Variants in NUDT14 observed in about 807,000 individuals in gnomAD.
NUDT14 encodes the protein uridine diphosphate glucose pyrophosphatase NUDT14.
NUDT14 carries 22 observed loss-of-function variants against 17.5 expected under a neutral mutation model. The observed-to-expected ratio is 1.26, with a 90% CI of 0.90 to 1.80. NUDT14 has a LOEUF of 1.80. Among genes scored for constraint, NUDT14 ranks in the 40% most tolerant of loss-of-function variants. The pLI is 0.00. For synonymous variants in NUDT14, 129 were observed against 125.8 expected (o/e 1.03, Z -0.17); for missense variants, 296 against 295.6 (o/e 1.00, Z -0.01).
At chr14:105,176,290 C>A (rs1889210297) in intron 4 of NUDT14, 2 of 585,480 alleles carry the variant, frequency 3.4e-6, no homozygotes, top group Non-Finnish European at 6.1e-6. Flanking sequence ...TGTCACCCGG[C>A]CTGCCTCACA....
At position 105,176,122 on chromosome 14, in the gene NUDT14, C is replaced by G. The variant is rs1038745999; in HGVS notation, c.428+412G>C. Reference sequence around the variant, plus strand: ...GGTCCCAAAGCGCAGGCTCTAGTGCCTGTTCCCCAGGAGAGCTGGAGCCAC... The same window carrying G: ...GGTCCCAAAGCGCAGGCTCTAGTGCGTGTTCCCCAGGAGAGCTGGAGCCAC... On this transcript the variant is annotated intron_variant, in intron 4 of 4. Coordinates refer to ENST00000392568, the MANE Select transcript of NUDT14 (RefSeq NM_177533.5). The G allele has an allele frequency of 1.3e-4, 85 of 635,906 alleles. No homozygotes were observed. In the African/African-American group the frequency reaches 1.6e-3, roughly 12 times the overall value. 39.4% of individuals were successfully genotyped at this position (635,906 alleles called of 1,614,324 possible).
chr14:105,177,945 C>G (rs10140111), intron 1 of NUDT14, among the ~76,000 whole-genome samples: 99,533 of 151,802 alleles, frequency 0.66, 33,138 homozygotes, highest in African/African-American at 0.77. Flanking sequence ...TAATACCCTA[C>G]GAGTGAGGCA....
At chr14:105,174,526 C>A (rs587637542) in intron 4 of NUDT14, among the ~76,000 whole-genome samples, 34 of 152,246 alleles carry the variant, frequency 2.2e-4, no homozygotes, top group South Asian at 1.0e-3. Flanking sequence ...ACCCCCAAGG[C>A]CTCCCCACCT....
intron 4 of NUDT14, among the ~76,000 whole-genome samples, chr14:105,174,424 A>G (rs587774782): frequency 6.6e-6 from 1 of 152,082 alleles, no homozygotes; most frequent in Non-Finnish European, 1.5e-5. Flanking sequence ...GCCATGAACC[A>G]AGGCCAGCCG....
chr14:105,180,991 G>C (rs926980821), intron 1 of NUDT14, 138 bp downstream of exon 1: 1 of 234,466 alleles, frequency 4.3e-6, no homozygotes, highest in Non-Finnish European at 7.1e-6. Context: ...GGGCGGACAA[G>C]CGGCCGCCCG....
rs1595197533 is a variant in NUDT14, at chr14:105,173,164, C to T, written c.526G>A (p.Gly176Ser). ...SGPGGGLVEEGELIEVVHLPL... is the reference protein window; with the variant it reads ...SGPGGGLVEESELIEVVHLPL... ...AGGTGCACCACCTCAATGAGCTCAC[C>T]CTCCTCCACCAGGCCCCCACCTGGA... Residue 176 changes from glycine to serine, a missense_variant, in exon 5 of 5, where the codon GGT becomes AGT. By Grantham distance (56) the Gly-to-Ser change is moderately conservative (BLOSUM62 0). Coordinates refer to ENST00000392568, the MANE Select transcript of NUDT14 (RefSeq NM_177533.5). The surrounding 1 kb of genome is among the most constrained non-coding windows in gnomAD (Gnocchi z 4.7). 6.2e-7 allele frequency: 1 copy of T among 1,610,820 alleles called. No homozygotes were observed. The highest frequency in any genetic ancestry group is 8.5e-7 in the Non-Finnish European group (1 of 1,179,210).
intron 4 of NUDT14, among the ~76,000 whole-genome samples, chr14:105,174,603 G>A (rs1180644661): frequency 2.6e-5 from 4 of 152,172 alleles, no homozygotes; most frequent in East Asian, 3.9e-4. Flanking sequence ...CTCACCTCCC[G>A]CAGACCCCTT....
At chr14:105,174,581 G>A (rs1889171536) in intron 4 of NUDT14, among the ~76,000 whole-genome samples, 1 of 152,124 alleles carries the variant, frequency 6.6e-6, no homozygotes, top group Admixed American at 6.5e-5. Flanking sequence ...CTGCTTCCTT[G>A]CCCTCTAGCC....
rs1454011891 is a variant in NUDT14, at chr14:105,177,725, T to C, written c.92A>G (p.Gln31Arg). 1 of 1,612,380 alleles carries C rather than the reference T, an allele frequency of 6.2e-7. No homozygotes were observed. Among genetic ancestry groups the C allele is most frequent in the South Asian group, 1.1e-5 (1 of 91,082 alleles). The change falls in exon 2 of 5, where the codon CAG becomes CGG. Residue 31 changes from glutamine (Q) to arginine (R), a missense_variant. Coordinates refer to ENST00000392568, the MANE Select transcript of NUDT14 (RefSeq NM_177533.5). ...LTLHYRQNGA[Q>R]KSWDFMKTHD... Reference sequence around the variant, plus strand: ...CGTCTTCATGAAGTCCCAGGACTTCTGGGCACCATTCTAGAAGGGGCAGGT... The same window carrying C: ...CGTCTTCATGAAGTCCCAGGACTTCCGGGCACCATTCTAGAAGGGGCAGGT...
At chr14:105,180,545 C>T (rs866563581) in intron 1 of NUDT14, among the ~76,000 whole-genome samples, 1 of 152,288 alleles carries the variant, frequency 6.6e-6, no homozygotes, top group Middle Eastern at 3.4e-3. Flanking sequence ...CCTCTTGTGC[C>T]GTGGCCTGGC....
At chr14:105,178,097 G>A (rs994356263) in intron 1 of NUDT14, among the ~76,000 whole-genome samples, 4 of 152,132 alleles carry the variant, frequency 2.6e-5, no homozygotes, top group Admixed American at 6.5e-5. Flanking sequence ...GAGGGCAGGC[G>A]TGACTCCCTC....
Position 105,173,739 on chromosome 14 carries a change from G to A in NUDT14, c.429-478C>T, listed in dbSNP as rs12894531. 67,574 of 151,830 alleles carry A rather than the reference G, an allele frequency of 0.45. 15,633 individuals carry two copies. Among genetic ancestry groups the A allele is most frequent in the Middle Eastern group, 0.59 (170 of 290 alleles). 9.4% of individuals were successfully genotyped at this position (151,830 alleles called of 1,614,324 possible). ...AGGAGCTGAATTCTGCCATAACCTC[G>A]TGAGCCGGGAAGACCCCAAGCCCCC... On this transcript the variant is annotated intron_variant, in intron 4 of 4. Coordinates refer to ENST00000392568, the MANE Select transcript of NUDT14 (RefSeq NM_177533.5). The surrounding 1 kb of genome is among the most constrained non-coding windows in gnomAD (Gnocchi z 4.7).
intron 3 of NUDT14, 21 bp from the exon 4 acceptor site, chr14:105,176,792 CTG>C (rs747824524): frequency 3.1e-6 from 5 of 1,607,800 alleles, no homozygotes; most frequent in Non-Finnish European, 3.4e-6. Context: ...AGAAGCCAGA[CTG>C]TGCTCACAGC....
At chr14:105,178,348 C>A (rs587621418) in intron 1 of NUDT14, among the ~76,000 whole-genome samples, 1 of 152,038 alleles carries the variant, frequency 6.6e-6, no homozygotes, top group Non-Finnish European at 1.5e-5. Context: ...GCTCGGCAGC[C>A]CCCCCACACA....
At chr14:105,174,637 GGCCGCGGCT>G (rs1889173126) in intron 4 of NUDT14, among the ~76,000 whole-genome samples, 1 of 152,116 alleles carries the variant, frequency 6.6e-6, no homozygotes, top group Admixed American at 6.5e-5. Context: ...TTCCGGCGGC[GGCCGCGGCT>G]GCGCCTCTGA....
chr14:105,177,842 G>T, intron 1 of NUDT14, 107 bp from the exon 2 acceptor site: 2 of 1,080,956 alleles, frequency 1.9e-6, no homozygotes, highest in Non-Finnish European at 1.4e-6. Context: ...AGGGAGATCG[G>T]CTCGTGGCCT....
At chr14:105,180,113 G>A (rs1188334370) in intron 1 of NUDT14, among the ~76,000 whole-genome samples, 2 of 152,210 alleles carry the variant, frequency 1.3e-5, no homozygotes, top group African/African-American at 2.4e-5. Flanking sequence ...GGACAGGGCT[G>A]GGCTTGGAGG....
chr14:105,173,306 G>C lies in NUDT14; in HGVS notation c.429-45C>G. 1.4e-6 allele frequency: 2 copies of C among 1,457,384 alleles called. No homozygotes were observed. Among genetic ancestry groups the C allele is most frequent in the Non-Finnish European group, 1.8e-6 (2 of 1,104,644 alleles). The allele number at this position is 1,457,384 out of a possible 1,614,324, so 90.3% of individuals were successfully genotyped here. A position where few individuals can be genotyped will look rare whatever the true frequency, so the allele number is the denominator to read the frequency against. On this transcript the variant is annotated intron_variant, in intron 4 of 4. Coordinates refer to ENST00000392568, the MANE Select transcript of NUDT14 (RefSeq NM_177533.5). This position sits in a 1 kb window ranked among gnomAD's most constrained non-coding sequence, Gnocchi z 4.7. ...CTGCTGAGTCACCCACGCTGGCCCCGCTGGCCCCCTGGCCCTTCTACCACC... is the reference window on the plus strand; with the variant it reads ...CTGCTGAGTCACCCACGCTGGCCCCCCTGGCCCCCTGGCCCTTCTACCACC...
At chr14:105,174,855 G>C (rs1330245529) in intron 4 of NUDT14, among the ~76,000 whole-genome samples, 4 of 152,202 alleles carry the variant, frequency 2.6e-5, no homozygotes, top group Admixed American at 2.0e-4. Context: ...GCAGCGGCAG[G>C]TAAGAGGCCT....
Sources: gnomAD v4.1 joint callset for allele counts (sites outside exome capture counted in the v4.1 genomes callset) on GRCh38, gnomAD v4.1.1 for gene constraint, Gnocchi (gnomAD v3.1) non-coding constraint, MANE v1.5 for transcripts, NCBI Gene and HGNC (gene_info 2026-07-23, HGNC 2026-07-21) for gene names.